LRRN1: variants seen among roughly 807,000 people sequenced by gnomAD.
The protein encoded by LRRN1 is leucine rich repeat neuronal 1.
In LRRN1, 14 loss-of-function variants were observed where a neutral mutation model predicts 45.8. The observed-to-expected ratio is 0.31, with a 90% CI of 0.20 to 0.48. LRRN1 has a LOEUF of 0.48. Among genes scored for constraint, LRRN1 ranks in the 20% least tolerant of loss-of-function variants. The pLI is 0.99. For synonymous variants in LRRN1, 359 were observed against 330.1 expected (o/e 1.09, Z -0.95); for missense variants, 789 against 874.2 (o/e 0.90, Z 1.23).
intron 1 of LRRN1, among the ~76,000 whole-genome samples, chr3:3,831,017 C>T (rs1257012687): frequency 6.6e-6 from 1 of 152,194 alleles, no homozygotes; most frequent in Non-Finnish European, 1.5e-5. Flanking sequence ...TCCCTGTCTG[C>T]CACTGACACC....
At chr3:3,838,010 T>A (rs1444415614) in intron 1 of LRRN1, among the ~76,000 whole-genome samples, 1 of 152,172 alleles carries the variant, frequency 6.6e-6, no homozygotes, top group Non-Finnish European at 1.5e-5. Context: ...CCTGCGTTAG[T>A]TTGCTGAGGA....
rs951272373 is a variant in LRRN1, at chr3:3,816,316, G to A, written c.-279+16397G>A. Among the ~76,000 whole-genome samples, 1 of 152,080 alleles carries A rather than the reference G, an allele frequency of 6.6e-6. No individual in the cohort carries two copies. Among genetic ancestry groups the A allele is most frequent in the African/African-American group, 2.4e-5 (1 of 41,410 alleles). ...GAGTATTGGACCATTAGTTTCAAAT[G>A]CATACTAAGATAGGGGAACACATTG... On this transcript the variant is annotated intron_variant, in intron 1 of 1. Transcript: ENST00000319331. This position sits in a 1 kb window ranked among gnomAD's most constrained non-coding sequence, Gnocchi z 4.0.
At chr3:3,825,721 G>C (rs1693201369) in intron 1 of LRRN1, among the ~76,000 whole-genome samples, 1 of 152,036 alleles carries the variant, frequency 6.6e-6, no homozygotes, top group South Asian at 2.1e-4. Context: ...TTTTAAAGTA[G>C]GTCTTCTGAA....
chr3:3,824,040 C>G (rs947574742), intron 1 of LRRN1, among the ~76,000 whole-genome samples: 2 of 152,170 alleles, frequency 1.3e-5, no homozygotes, highest in Admixed American at 6.5e-5. Context: ...GCTCCAGCCC[C>G]TGTACCGTGC....
rs929654896 is a variant in LRRN1 at position 3,816,467 on chromosome 3, C to T, written c.-279+16548C>T. 1.3e-5 allele frequency among the ~76,000 whole-genome samples: 2 copies of T among 152,058 alleles called. No individual in the cohort carries two copies. The highest frequency in any genetic ancestry group is 6.6e-5 in the Admixed American group (1 of 15,264). On this transcript the variant is annotated intron_variant, in intron 1 of 1. Coordinates refer to ENST00000319331, the MANE Select transcript of LRRN1 (RefSeq NM_020873.7). The surrounding 1 kb of genome is among the most constrained non-coding windows in gnomAD (Gnocchi z 4.0). ...AAATCCTAATTAACTAGATCCCCTC[C>T]ACCCTCAGTCCACTTTTAGAAGAAA... is the stretch of plus-strand genomic sequence containing the variant.
At chr3:3,800,869 C>G (rs1047590041) in intron 1 of LRRN1, 1 of 152,396 alleles carries the variant, frequency 6.6e-6, no homozygotes, top group African/African-American at 2.4e-5. Context: ...CGGCCCGGGT[C>G]AGAAGCGAGG....
intron 1 of LRRN1, among the ~76,000 whole-genome samples, chr3:3,831,024 C>G (rs1693361666): frequency 6.6e-6 from 1 of 152,208 alleles, no homozygotes; most frequent in Non-Finnish European, 1.5e-5. Flanking sequence ...CTGCCACTGA[C>G]ACCTCAAGCA....
At chr3:3,839,329 G>C (rs1368629579) in intron 1 of LRRN1, among the ~76,000 whole-genome samples, 3 of 151,980 alleles carry the variant, frequency 2.0e-5, no homozygotes, top group African/African-American at 7.2e-5. Context: ...CTTTATTTCT[G>C]GACTCTGTTC....
At chr3:3,825,068 C>T (rs548423035) in intron 1 of LRRN1, among the ~76,000 whole-genome samples, 3 of 152,342 alleles carry the variant, frequency 2.0e-5, no homozygotes, top group African/African-American at 4.8e-5. Flanking sequence ...ACACCCTTCC[C>T]GTCTGTCCCA....
chr3:3,809,256 G>T (rs566538879), intron 1 of LRRN1, among the ~76,000 whole-genome samples: 6 of 152,060 alleles, frequency 3.9e-5, no homozygotes, highest in Non-Finnish European at 8.8e-5. Context: ...CAAGTCTTGT[G>T]CCTCAGCCTC....
At chr3:3,839,662 A>G (rs2106468883) in intron 1 of LRRN1, among the ~76,000 whole-genome samples, 1 of 152,256 alleles carries the variant, frequency 6.6e-6, no homozygotes, top group Admixed American at 6.5e-5. Context: ...TATTTTGGTT[A>G]TCTCTTAACA....
At chr3:3,840,771 T>C (rs913626208) in intron 1 of LRRN1, among the ~76,000 whole-genome samples, 2 of 152,166 alleles carry the variant, frequency 1.3e-5, no homozygotes, top group Non-Finnish European at 2.9e-5. Flanking sequence ...GATTGGTTGG[T>C]TAGTTGCTTG....
intron 1 of LRRN1, among the ~76,000 whole-genome samples, chr3:3,841,093 A>C (rs1200941000): frequency 6.6e-6 from 1 of 152,072 alleles, no homozygotes; most frequent in African/African-American, 2.4e-5. Flanking sequence ...AAGTCAGGAG[A>C]TCCAGACCAT....
chr3:3,836,191 CT>C (rs898640961), intron 1 of LRRN1, among the ~76,000 whole-genome samples: 2 of 152,100 alleles, frequency 1.3e-5, no homozygotes, highest in African/African-American at 2.4e-5. Context: ...TATGGCTTCG[CT>C]TTTTTTGTGG....
chr3:3,833,224 C>T (rs1693405813), intron 1 of LRRN1, among the ~76,000 whole-genome samples: 1 of 152,224 alleles, frequency 6.6e-6, no homozygotes, highest in Non-Finnish European at 1.5e-5. Context: ...CTAATCCACT[C>T]CACCATCTCA....
chr3:3,829,487 T>C (rs1490622131), intron 1 of LRRN1, among the ~76,000 whole-genome samples: 1 of 152,180 alleles, frequency 6.6e-6, no homozygotes, highest in Non-Finnish European at 1.5e-5. Context: ...GAATTCTAGC[T>C]ATGGGACAAA....
At position 3,849,519 on chromosome 3, in the gene LRRN1, A is replaced by G. The variant is rs1018631776; in HGVS notation, c.*2727A>G. Among the ~76,000 whole-genome samples, 1 of 152,218 alleles carries G rather than the reference A, an allele frequency of 6.6e-6. No homozygotes were observed. Among genetic ancestry groups the G allele is most frequent in the Admixed American group, 6.5e-5 (1 of 15,282 alleles). On this transcript the variant is annotated 3_prime_UTR_variant, in exon 2 of 2. Transcript: ENST00000319331. ...AAATTAGACCTCAAACTAGGTCCTG[A>G]TGGATAATGAATGTTATGTCACCTT...
At position 3,845,136 on chromosome 3, in the gene LRRN1, C is replaced by G; in HGVS notation, c.495C>G (p.Gly165=). 1.2e-6 allele frequency: 2 copies of G among 1,614,154 alleles called. No individual in the cohort carries two copies. The highest frequency in any genetic ancestry group is 2.2e-5 in the South Asian group (2 of 91,084). The stretch of plus-strand genomic sequence containing the variant: ...CTATTTCTGCTCATGCTTTTGCAGG[C>G]TTAAAAAATCTATTAAGGCTCCACC... ...ISTISAHAFA[G]LKNLLRLHLN... The change falls in exon 2 of 2, where the codon GGC becomes GGG. Residue 165 remains glycine, a synonymous_variant. Coordinates refer to ENST00000319331, the MANE Select transcript of LRRN1 (RefSeq NM_020873.7). This position sits in a 1 kb window ranked among gnomAD's most constrained non-coding sequence, Gnocchi z 6.5.
chr3:3,819,538 T>C (rs9842427), intron 1 of LRRN1, among the ~76,000 whole-genome samples: 2,370 of 152,236 alleles, frequency 0.016, 73 homozygotes, highest in African/African-American at 0.054. Context: ...TTTACAGCTG[T>C]GGAACTCCAG....
Sources: gnomAD v4.1 joint callset for allele counts (sites outside exome capture counted in the v4.1 genomes callset) on GRCh38, gnomAD v4.1.1 for gene constraint, Gnocchi (gnomAD v3.1) non-coding constraint, MANE v1.5 for transcripts, NCBI Gene and HGNC (gene_info 2026-07-23, HGNC 2026-07-21) for gene names.